HNF4G: variants seen among roughly 807,000 people sequenced by gnomAD.
HNF4G encodes hepatocyte nuclear factor 4-gamma.
In HNF4G, 21 loss-of-function variants were observed where a neutral mutation model predicts 50.9. The ratio of observed to expected loss-of-function variants is 0.41; its 90% CI spans 0.29 to 0.59. The LOEUF (loss-of-function observed/expected upper bound fraction) is 0.59, where lower values mean the gene tolerates loss of function less well. HNF4G is among the 20% of genes least tolerant of loss of function. The pLI is 0.26. For synonymous variants in HNF4G, 198 were observed against 185.6 expected, an observed-to-expected ratio of 1.07 and a Z score of -0.54; for missense variants, 527 against 559.4, an observed-to-expected ratio of 0.94 and a Z score of 0.58.
chr8:75,494,252 T>C (rs1812705068), intron 2 of HNF4G, among the ~76,000 whole-genome samples: 1 of 149,454 alleles, frequency 6.7e-6, no homozygotes, highest in South Asian at 2.1e-4. Context: ...TTAGACAAAG[T>C]GTTATTTTTA....
intron 1 of HNF4G, among the ~76,000 whole-genome samples, chr8:75,471,229 T>G (rs1221682850): frequency 6.6e-6 from 1 of 152,142 alleles, no homozygotes; most frequent in Non-Finnish European, 1.5e-5. Context: ...AATTGAAAAT[T>G]TGAATTATTC....
At chr8:75,484,735 G>A (rs1186646101) in intron 1 of HNF4G, among the ~76,000 whole-genome samples, 1 of 152,188 alleles carries the variant, frequency 6.6e-6, no homozygotes, top group African/African-American at 2.4e-5. Context: ...CTCAATGCCT[G>A]CCCCAGTGAC....
intron 2 of HNF4G, among the ~76,000 whole-genome samples, chr8:75,508,120 A>C (rs191714108): frequency 1.4e-4 from 22 of 152,292 alleles, no homozygotes; most frequent in African/African-American, 5.1e-4. Context: ...AGGAATAGAC[A>C]AACAGAATAT....
At chr8:75,533,712 T>A (rs1270248358) in intron 2 of HNF4G, among the ~76,000 whole-genome samples, 6 of 151,932 alleles carry the variant, frequency 3.9e-5, no homozygotes, top group Non-Finnish European at 7.4e-5. Context: ...AACATTTCAG[T>A]TGAGCCAGTT....
At chr8:75,482,585 C>T (rs921582051) in intron 1 of HNF4G, among the ~76,000 whole-genome samples, 3 of 152,166 alleles carry the variant, frequency 2.0e-5, no homozygotes, top group Non-Finnish European at 4.4e-5. Context: ...CCAGGCTGGT[C>T]TTGAACTCCT....
upstream of HNF4G, among the ~76,000 whole-genome samples, chr8:75,539,206 C>T (rs978854908): frequency 2.0e-5 from 3 of 152,116 alleles, no homozygotes; most frequent in Admixed American, 6.6e-5. Flanking sequence ...AGAAATGAAA[C>T]ATTATACATG....
chr8:75,425,898 G>A (rs1033240810), intron 1 of HNF4G, among the ~76,000 whole-genome samples: 2 of 152,000 alleles, frequency 1.3e-5, no homozygotes, highest in African/African-American at 4.8e-5. Context: ...TTTCTGACGG[G>A]TATATTTCCA....
At chr8:75,510,592 G>A (rs1285077661) in intron 2 of HNF4G, among the ~76,000 whole-genome samples, 1 of 151,904 alleles carries the variant, frequency 6.6e-6, no homozygotes, top group Admixed American at 6.6e-5. Flanking sequence ...TACACAAAAG[G>A]TTACCATTGT....
At chr8:75,535,626 C>A (rs1272055742), upstream of HNF4G, among the ~76,000 whole-genome samples, 1 of 151,746 alleles carries the variant, frequency 6.6e-6, no homozygotes, top group Non-Finnish European at 1.5e-5. Flanking sequence ...GAAAAATAAT[C>A]TCAAAGAAAT....
chr8:75,547,448 A>G (rs555543097), intron 2 of HNF4G, 139 bp from the exon 3 acceptor site: 1 of 604,326 alleles, frequency 1.7e-6, no homozygotes, highest in African/African-American at 1.8e-5. Flanking sequence ...AGAGACTGGA[A>G]AGGTCATAGC....
At chr8:75,527,008 C>T (rs973617252) in intron 2 of HNF4G, 3 of 152,096 alleles carry the variant, frequency 2.0e-5, no homozygotes, top group Admixed American at 6.6e-5. Flanking sequence ...GATCTCCAGA[C>T]GTCGTGATCC....
upstream of HNF4G, among the ~76,000 whole-genome samples, chr8:75,538,517 T>A (rs1806529550): frequency 6.6e-6 from 1 of 152,210 alleles, no homozygotes; most frequent in Non-Finnish European, 1.5e-5. Flanking sequence ...GTTTGTGGGC[T>A]CTGCACAATT....
upstream of HNF4G, among the ~76,000 whole-genome samples, chr8:75,407,729 C>A (rs1016468966): frequency 6.6e-6 from 1 of 152,040 alleles, no homozygotes; most frequent in Admixed American, 6.5e-5. Flanking sequence ...TGCTAGAGAT[C>A]GGGAAAAAGA....
rs371043557 is a variant in HNF4G at position 75,421,712 on chromosome 8, C to T, written c.-144+13550C>T. 1.7e-4 allele frequency among the ~76,000 whole-genome samples: 26 copies of T among 152,234 alleles called. 1 individual carries two copies. The South Asian group carries it at 4.8e-3, about 28-fold the overall frequency. On this transcript the variant is annotated intron_variant, in intron 1 of 10. Coordinates refer to the HNF4G transcript ENST00000354370. Reference sequence around the variant, plus strand: ...GCTAGTAACTCTGAAGATTTTTTGGCTTCACCCCGGGACTCAGTAGGTCTA... The same window carrying T: ...GCTAGTAACTCTGAAGATTTTTTGGTTTCACCCCGGGACTCAGTAGGTCTA...
At chr8:75,530,190 C>T (rs1421590366) in intron 2 of HNF4G, among the ~76,000 whole-genome samples, 1 of 152,124 alleles carries the variant, frequency 6.6e-6, no homozygotes, top group African/African-American at 2.4e-5. Flanking sequence ...GGGAAAATAG[C>T]AGAGCTGTGA....
chr8:75,555,739 T>G (rs1018870624), intron 5 of HNF4G, among the ~76,000 whole-genome samples: 1 of 152,164 alleles, frequency 6.6e-6, no homozygotes, highest in Middle Eastern at 3.4e-3. Flanking sequence ...GCTTTTTTTT[T>G]TTTTCTTTCT....
rs201568846 is a variant in HNF4G at position 75,504,089 on chromosome 8, G to A, written c.-24+13881G>A. On this transcript the variant is annotated intron_variant, in intron 2 of 10. Coordinates refer to the HNF4G transcript ENST00000354370. ...ACACAAAAATTAGCCAGGTGTGGTG[G>A]CATACATCTGTGGTCCCAGCTACTC... Among the ~76,000 whole-genome samples the A allele has an allele frequency of 2.6e-5, 4 of 152,034 alleles. No individual in the cohort carries two copies. In the East Asian group the frequency reaches 7.7e-4, roughly 29 times the overall value.
chr8:75,537,386 A>C (rs1806492724), upstream of HNF4G, among the ~76,000 whole-genome samples: 1 of 151,966 alleles, frequency 6.6e-6, no homozygotes, highest in African/African-American at 2.4e-5. Flanking sequence ...TGGGATTATA[A>C]GCGCATGCCA....
intron 2 of HNF4G, among the ~76,000 whole-genome samples, chr8:75,530,808 T>TTTG (rs1319644745): frequency 6.6e-6 from 1 of 151,186 alleles, no homozygotes; most frequent in Non-Finnish European, 1.5e-5. Context: ...TTTTTTTTTT[T>TTTG]TTGAGACAGG....
Sources: allele counts gnomAD v4.1 joint callset (sites outside exome capture counted in the v4.1 genomes callset), GRCh38; gene constraint gnomAD v4.1.1; transcripts MANE v1.5; gene names NCBI Gene and HGNC (gene_info 2026-07-23, HGNC 2026-07-21).